TRIM37: variants seen among roughly 807,000 people sequenced by gnomAD.
TRIM37 encodes the protein tripartite motif containing 37, also known as E3 ubiquitin-protein ligase TRIM37.
TRIM37 carries 80 observed loss-of-function variants against 129.8 expected under a neutral mutation model. The ratio of observed to expected loss-of-function variants is 0.62; its 90% CI spans 0.51 to 0.74. TRIM37 has a LOEUF of 0.74. Ranked by LOEUF, TRIM37 falls within the 30% of genes least tolerant of loss-of-function variation. The pLI, the probability that TRIM37 is intolerant of heterozygous loss-of-function variation, is 0.00. For synonymous variants in TRIM37, 389 were observed against 387.1 expected (o/e 1.00, Z -0.06); for missense variants, 1,054 against 1,176.5 (o/e 0.90, Z 1.52).
chr17:59,029,367 A>G (rs924022625), intron 18 of TRIM37, among the ~76,000 whole-genome samples: 43 of 152,314 alleles, frequency 2.8e-4, no homozygotes, highest in African/African-American at 1.0e-3. Context: ...AAATAAAACA[A>G]TAGCTCTCCA....
chr17:59,025,227 T>C (rs1760922655), intron 19 of TRIM37, among the ~76,000 whole-genome samples: 1 of 152,068 alleles, frequency 6.6e-6, no homozygotes, highest in African/African-American at 2.4e-5. Flanking sequence ...CACAGCATCA[T>C]ATAAAATTAA....
chr17:59,010,672 T>C (rs1375427292), intron 22 of TRIM37, among the ~76,000 whole-genome samples: 1 of 152,016 alleles, frequency 6.6e-6, no homozygotes. Context: ...TTTCTATATT[T>C]AGTAGAGATG....
chr17:58,967,504 G>GTATA, the TRIM37 span, among the ~76,000 whole-genome samples: 651 of 148,542 alleles, frequency 4.4e-3, 6 homozygotes, highest in African/African-American at 0.015. Context: ...ATATATATGT[G>GTATA]TATATATATA....
intron 1 of TRIM37, among the ~76,000 whole-genome samples, chr17:59,106,028 C>A (rs566667159): frequency 6.6e-6 from 1 of 152,170 alleles, no homozygotes; most frequent in Non-Finnish European, 1.5e-5. Flanking sequence ...CAGAAGCCTG[C>A]AAAATGTGCC....
At chr17:58,985,049 C>G (rs1253272862) in intron 24 of TRIM37, 1 of 152,600 alleles carries the variant, frequency 6.6e-6, no homozygotes, top group East Asian at 1.9e-4. Context: ...CAAATCTGCT[C>G]TACATCTCAC....
chr17:59,035,820 C>A (rs1225870408), intron 17 of TRIM37, among the ~76,000 whole-genome samples: 1 of 151,826 alleles, frequency 6.6e-6, no homozygotes, highest in Non-Finnish European at 1.5e-5. Context: ...AGAAAAAAAA[C>A]CTCATAAAAA....
chr17:59,033,100 G>A (rs977276899), intron 17 of TRIM37, among the ~76,000 whole-genome samples: 5 of 152,108 alleles, frequency 3.3e-5, no homozygotes, highest in Non-Finnish European at 7.4e-5. Context: ...CTTCAATAAA[G>A]CTGTTTAAAT....
At chr17:59,088,863 T>C (rs1329595618) in intron 3 of TRIM37, among the ~76,000 whole-genome samples, 5 of 152,090 alleles carry the variant, frequency 3.3e-5, no homozygotes, top group African/African-American at 4.8e-5. Flanking sequence ...AAAAATATTA[T>C]CTGTGACTTA....
rs777878450 is a variant in TRIM37, at chr17:59,028,365, A to G, written c.2257+50T>C. 3.9e-6 allele frequency: 6 copies of G among 1,553,526 alleles called. No homozygotes were observed. In the Admixed American group the frequency reaches 8.4e-5, roughly 22 times the overall value. ...ATTCTTTTGAAAAAACCAGTCATCT[A>G]GTTTCCCAAATAACGTGTGGAGAAA... On this transcript the variant is annotated intron_variant, in intron 19 of 23. Transcript: ENST00000262294.
intron 3 of TRIM37, 84 bp downstream of exon 3, chr17:59,091,216 A>G: frequency 1.0e-6 from 1 of 981,744 alleles, no homozygotes; most frequent in South Asian, 1.4e-5. Context: ...GGCAGACTGC[A>G]GGAAAACTGC....
intron 2 of TRIM37, among the ~76,000 whole-genome samples, chr17:59,099,019 C>T (rs1043925218): frequency 6.6e-6 from 1 of 152,076 alleles, no homozygotes; most frequent in Non-Finnish European, 1.5e-5. Context: ...CCCATCTCTA[C>T]TAAAAATACA....
intron 12 of TRIM37, among the ~76,000 whole-genome samples, chr17:59,060,423 C>T (rs905577936): frequency 4.0e-5 from 6 of 150,480 alleles, no homozygotes; most frequent in African/African-American, 1.5e-4. Flanking sequence ...ACTAAACTAA[C>T]AGATTTCATG....
At position 59,061,026 on chromosome 17, in the gene TRIM37, TCTTA is replaced by T; in HGVS notation, c.1019+2_1019+5del. The T allele has an allele frequency of 6.2e-7, 1 of 1,611,156 alleles. No homozygotes were observed. Among genetic ancestry groups the T allele is most frequent in the Non-Finnish European group, 8.5e-7 (1 of 1,177,536 alleles). On this transcript the variant is annotated splice_donor_variant and splice_donor_5th_base_variant and intron_variant, in intron 12 of 23. Coordinates refer to ENST00000262294, the MANE Select transcript of TRIM37 (RefSeq NM_015294.6). LOFTEE classifies it high-confidence loss of function. ...ATTAAGGTTGTTATTTAATTACACTTCTTACTTAGAAGTTTCAGGCAAGCCAGCT... is the reference window on the plus strand; with the variant it reads ...ATTAAGGTTGTTATTTAATTACACTTCTTAGAAGTTTCAGGCAAGCCAGCT...
At position 59,084,019 on chromosome 17, in the gene TRIM37, C is replaced by T; in HGVS notation, c.352G>A (p.Ala118Thr). 2 of 1,613,808 alleles carry T rather than the reference C, an allele frequency of 1.2e-6. No individual in the cohort carries two copies. Among genetic ancestry groups the T allele is most frequent in the Non-Finnish European group, 8.5e-7 (1 of 1,179,876 alleles). ...CTGCTCACCATTCCTCCCCAAAGTG[C>T]ACACTGATGGCAGATACACTTCTTA... The part of the protein sequence containing the change: ...TCKKCICHQC[A>T]LWGGMHGGHT... Residue 118 changes from alanine to threonine, a missense_variant, in exon 5 of 24, where the codon GCA becomes ACA. Ala to Thr is a moderately conservative substitution (Grantham distance 58, BLOSUM62 0). This residue lies in a region of TRIM37 where 752 missense variants were observed against 870.8 expected (regional missense o/e 0.86). Transcript: ENST00000262294.
chr17:59,036,558 C>T (rs933347631), intron 17 of TRIM37, among the ~76,000 whole-genome samples: 4 of 151,704 alleles, frequency 2.6e-5, no homozygotes, highest in Non-Finnish European at 5.9e-5. Flanking sequence ...TCATGGCTCA[C>T]TGTACCCTCG....
intron 11 of TRIM37, among the ~76,000 whole-genome samples, chr17:59,062,288 T>C (rs1052893019): frequency 1.3e-5 from 2 of 152,142 alleles, no homozygotes; most frequent in Non-Finnish European, 2.9e-5. Context: ...TATCCAGCAA[T>C]ACTAGCCTTA....
Position 59,070,689 on chromosome 17 carries a change from C to G in TRIM37, c.809+134G>C. On this transcript the variant is annotated intron_variant, in intron 9 of 23. Coordinates refer to ENST00000262294, the MANE Select transcript of TRIM37 (RefSeq NM_015294.6). ...TCCAGGAGTTTGAGACCAGCCTGGGCAACAAGTGAGACCCTATCTATAAAA... is the reference window on the plus strand; with the variant it reads ...TCCAGGAGTTTGAGACCAGCCTGGGGAACAAGTGAGACCCTATCTATAAAA... The G allele has an allele frequency of 3.0e-6, 3 of 1,000,372 alleles. No individual in the cohort carries two copies. In the South Asian group the frequency reaches 4.8e-5, roughly 16 times the overall value. The allele number at this position is 1,000,372 out of a possible 1,614,324, so 62.0% of individuals were successfully genotyped here.
In TRIM37 at chr17:59,032,018, C is replaced by T. The variant is rs1380870691; in HGVS notation, c.1826G>A (p.Ser609Asn). The part of the protein sequence containing the change: ...RRTHLCSAAT[S>N]SLLDIDPLIL... ...TAATGGATCAATGTCTAGTAAACTA[C>T]TGGTAGCAGCGGAGCATAAATGTGT... Residue 609 changes from serine to asparagine, a missense_variant, in exon 18 of 24, where the codon AGT (serine) becomes AAT (asparagine). Transcript: ENST00000262294. The T allele has an allele frequency of 1.2e-6, 2 of 1,614,196 alleles. No individual in the cohort carries two copies. Among genetic ancestry groups the T allele is most frequent in the Non-Finnish European group, 1.7e-6 (2 of 1,180,034 alleles).
the TRIM37 span, among the ~76,000 whole-genome samples, chr17:58,976,974 C>CCATATTGGAT: frequency 6.6e-6 from 1 of 151,900 alleles, no homozygotes; most frequent in East Asian, 1.9e-4. Flanking sequence ...ACACTGAATC[C>CCATATTGGAT]CATATTGGAT....
Sources: gnomAD v4.1 joint callset for allele counts (sites outside exome capture counted in the v4.1 genomes callset) on GRCh38, gnomAD v4.1.1 for gene constraint, gnomAD v4.1.1 regional missense constraint, MANE v1.5 for transcripts, NCBI Gene and HGNC (gene_info 2026-07-23, HGNC 2026-07-21) for gene names.